Variants in CDH18 observed in about 807,000 individuals in gnomAD.
The protein encoded by CDH18 is cadherin-18.
A neutral mutation model predicts 67.9 loss-of-function variants in CDH18; 31 were observed. That is an observed-to-expected ratio of 0.46 (90% CI 0.34 to 0.62). CDH18 has a LOEUF of 0.62. Among genes scored for constraint, CDH18 ranks in the 20% least tolerant of loss-of-function variants. The pLI, the probability that CDH18 is intolerant of heterozygous loss-of-function variation, is 0.01. For synonymous variants in CDH18, 362 were observed against 347.2 expected (o/e 1.04, Z -0.48); for missense variants, 890 against 975.5 (o/e 0.91, Z 1.17).
intron 8 of CDH18, among the ~76,000 whole-genome samples, chr5:19,558,551 G>A (rs1249168936): frequency 6.6e-6 from 1 of 151,724 alleles, no homozygotes; most frequent in Non-Finnish European, 1.5e-5. Flanking sequence ...AAGAGTAGAT[G>A]GATAAATTCC....
chr5:20,419,710 C>T (rs888841612), intron 1 of CDH18, among the ~76,000 whole-genome samples: 1 of 150,392 alleles, frequency 6.6e-6, no homozygotes, highest in African/African-American at 2.5e-5. Context: ...ATCTCCTGAC[C>T]TCATGATCCT....
At chr5:19,823,536 A>C (rs954342057) in intron 3 of CDH18, among the ~76,000 whole-genome samples, 5 of 152,186 alleles carry the variant, frequency 3.3e-5, no homozygotes, top group Non-Finnish European at 5.9e-5. Flanking sequence ...GACATAACTC[A>C]CCTAAATATA....
intron 2 of CDH18, among the ~76,000 whole-genome samples, chr5:19,862,800 C>A (rs951407352): frequency 1.3e-5 from 2 of 152,276 alleles, no homozygotes; most frequent in Non-Finnish European, 2.9e-5. Context: ...CTGGCTCCAG[C>A]CAGTGGGATT....
At chr5:20,434,859 C>T (rs975647225) in intron 1 of CDH18, among the ~76,000 whole-genome samples, 4 of 151,930 alleles carry the variant, frequency 2.6e-5, no homozygotes, top group African/African-American at 9.7e-5. Flanking sequence ...ATAGAGTATC[C>T]ATATACTCCT....
intron 2 of CDH18, among the ~76,000 whole-genome samples, chr5:19,864,564 T>C (rs549999356): frequency 6.6e-6 from 1 of 152,102 alleles, no homozygotes; most frequent in East Asian, 1.9e-4. Context: ...AACTCAAAGA[T>C]AACACTCATA....
chr5:20,152,794 C>T (rs936958474), intron 2 of CDH18, among the ~76,000 whole-genome samples: 29 of 152,058 alleles, frequency 1.9e-4, no homozygotes, highest in African/African-American at 6.5e-4. Context: ...TCTAAAGACC[C>T]TATACAGTTG....
At chr5:19,908,218 C>T (rs535900631) in intron 2 of CDH18, among the ~76,000 whole-genome samples, 2 of 152,074 alleles carry the variant, frequency 1.3e-5, no homozygotes, top group East Asian at 3.9e-4. Flanking sequence ...TATGATAACT[C>T]CTTCCATGGA....
chr5:19,490,508 G>A (rs1013181169), intron 11 of CDH18, among the ~76,000 whole-genome samples: 12 of 145,182 alleles, frequency 8.3e-5, no homozygotes, highest in Admixed American at 1.4e-4. Context: ...TTCACCTCGC[G>A]GGTTCAAGTG....
chr5:19,575,970 G>T (rs2149960091), intron 7 of CDH18, among the ~76,000 whole-genome samples: 1 of 152,266 alleles, frequency 6.6e-6, no homozygotes, highest in South Asian at 2.1e-4. Context: ...TGCAGTTATA[G>T]GTGATGAAGA....
intron 2 of CDH18, among the ~76,000 whole-genome samples, chr5:20,017,122 T>C (rs1051037360): frequency 6.6e-6 from 1 of 152,174 alleles, no homozygotes; most frequent in Admixed American, 6.5e-5. Flanking sequence ...AAATGTCAAA[T>C]ACATTTTCAG....
At chr5:20,033,959 A>G (rs891238283) in intron 2 of CDH18, among the ~76,000 whole-genome samples, 1 of 152,112 alleles carries the variant, frequency 6.6e-6, no homozygotes, top group Non-Finnish European at 1.5e-5. Context: ...GTGGCACAAT[A>G]TAAAAGAAGA....
At chr5:20,382,839 G>GTT (rs908467607) in intron 1 of CDH18, among the ~76,000 whole-genome samples, 1 of 152,028 alleles carries the variant, frequency 6.6e-6, no homozygotes, top group African/African-American at 2.4e-5. Flanking sequence ...AGTGTGGACT[G>GTT]TTTTTTTCTC....
intron 2 of CDH18, among the ~76,000 whole-genome samples, chr5:20,229,880 G>T (rs1741929731): frequency 6.6e-6 from 1 of 151,974 alleles, no homozygotes; most frequent in African/African-American, 2.4e-5. Context: ...TTAATAATAT[G>T]ATTACAGTGT....
chr5:20,280,302 G>A (rs958488029), intron 1 of CDH18, among the ~76,000 whole-genome samples: 3 of 151,742 alleles, frequency 2.0e-5, no homozygotes, highest in African/African-American at 7.3e-5. Flanking sequence ...TTGGTGTGCT[G>A]CACCCATTAA....
intron 5 of CDH18, among the ~76,000 whole-genome samples, chr5:19,706,587 T>G (rs1763998129): frequency 6.6e-6 from 1 of 152,162 alleles, no homozygotes; most frequent in Non-Finnish European, 1.5e-5. Context: ...CTTTTCTCAC[T>G]TTGTCTGGGC....
chr5:19,831,487 C>A (rs1379455966), intron 3 of CDH18, among the ~76,000 whole-genome samples: 3 of 151,966 alleles, frequency 2.0e-5, no homozygotes, highest in Non-Finnish European at 2.9e-5. Context: ...AAGTAGCCAA[C>A]AAGCATGTTA....
chr5:20,318,691 A>T (rs529730568), intron 1 of CDH18, among the ~76,000 whole-genome samples: 5 of 152,242 alleles, frequency 3.3e-5, no homozygotes, highest in South Asian at 4.1e-4. Flanking sequence ...GAAGCCAAGC[A>T]GATGGTGACG....
At chr5:19,590,559 C>A (rs1372657781) in intron 7 of CDH18, among the ~76,000 whole-genome samples, 1 of 151,922 alleles carries the variant, frequency 6.6e-6, no homozygotes, top group African/African-American at 2.4e-5. Flanking sequence ...ACATCAACAT[C>A]TACAGTAGGC....
chr5:20,506,542 G>A (rs1268870197), intron 1 of CDH18, among the ~76,000 whole-genome samples: 2 of 152,124 alleles, frequency 1.3e-5, no homozygotes, highest in African/African-American at 4.8e-5. Flanking sequence ...ACGTAAGTGG[G>A]GATGCAGATC....
Sources: allele counts gnomAD v4.1 joint callset (sites outside exome capture counted in the v4.1 genomes callset), GRCh38; gene constraint gnomAD v4.1.1; transcripts MANE v1.5; gene names NCBI Gene and HGNC (gene_info 2026-07-23, HGNC 2026-07-21).